Variants in MROH9 observed in about 807,000 individuals in gnomAD.
MROH9 encodes the protein maestro heat like repeat family member 9.
Under a neutral mutation model 98.2 loss-of-function variants are expected in MROH9, and 92 were observed. That is an observed-to-expected ratio of 0.94 (90% CI 0.79 to 1.11). The LOEUF (loss-of-function observed/expected upper bound fraction) is 1.11, where lower values mean the gene tolerates loss of function less well. Ranked by LOEUF, MROH9 falls within the 50% of genes most tolerant of loss-of-function variation. The pLI is 0.00. For missense variants in MROH9, 1,057 were observed against 1,014.8 expected (o/e 1.04, Z -0.57); for synonymous variants, 397 against 368.9 (o/e 1.08, Z -0.87).
At chr1:171,056,231 A>G (rs1379206810) in intron 20 of MROH9, among the ~76,000 whole-genome samples, 1 of 152,182 alleles carries the variant, frequency 6.6e-6, no homozygotes, top group African/African-American at 2.4e-5. Context: ...ACTGCCTAAC[A>G]TGTTAAGCTC....
intron 15 of MROH9, among the ~76,000 whole-genome samples, chr1:171,010,719 T>G (rs1016584158): frequency 6.6e-6 from 1 of 152,232 alleles, no homozygotes; most frequent in Non-Finnish European, 1.5e-5. Context: ...GTCTGTTGGC[T>G]GCATAAATGT....
intron 17 of MROH9, among the ~76,000 whole-genome samples, chr1:171,021,425 A>C (rs1242453641): frequency 6.6e-6 from 1 of 151,996 alleles, no homozygotes; most frequent in African/African-American, 2.4e-5. Context: ...TAGACCAACG[A>C]AACAGAACAG....
chr1:170,961,217 A>T (rs1377976360), intron 5 of MROH9, among the ~76,000 whole-genome samples: 1 of 152,232 alleles, frequency 6.6e-6, no homozygotes, highest in East Asian at 1.9e-4. Context: ...GACAGTGGAA[A>T]ATTGAAAAGT....
chr1:170,970,972 T>C (rs1022993048), intron 7 of MROH9, among the ~76,000 whole-genome samples: 2 of 152,200 alleles, frequency 1.3e-5, no homozygotes, highest in Non-Finnish European at 2.9e-5. Flanking sequence ...TGCTGCTAGT[T>C]TGCCAAATCT....
At chr1:171,008,009 C>T (rs1652021348) in intron 15 of MROH9, among the ~76,000 whole-genome samples, 1 of 152,152 alleles carries the variant, frequency 6.6e-6, no homozygotes, top group Non-Finnish European at 1.5e-5. Context: ...CAAAAAGTCC[C>T]CAGCAAGGTA....
chr1:171,013,874 TACACACACACACACACACAC>T (rs34557125), intron 15 of MROH9, among the ~76,000 whole-genome samples: 7 of 144,276 alleles, frequency 4.9e-5, no homozygotes, highest in Admixed American at 2.8e-4. Context: ...GTAAAATACA[TACACACACACACACACACAC>T]ACACACACAC....
At chr1:171,037,787 G>A (rs1653155639) in intron 20 of MROH9, among the ~76,000 whole-genome samples, 1 of 151,696 alleles carries the variant, frequency 6.6e-6, no homozygotes, top group Non-Finnish European at 1.5e-5. Context: ...CCCTAAACAT[G>A]CAATATTTTA....
In MROH9 at chr1:170,983,547, C is replaced by A. The variant is rs371793612; in HGVS notation, c.729+13C>A. 2 of 1,493,390 alleles carry A rather than the reference C, an allele frequency of 1.3e-6. No homozygotes were observed. The highest frequency in any genetic ancestry group is 1.7e-5 in the Admixed American group (1 of 58,772). 92.5% of individuals were successfully genotyped at this position (1,493,390 alleles called of 1,614,324 possible). Reference sequence around the variant, plus strand: ...TAAAATAGCTCAGGTAACTTAGCCCCCACTTTTTCCGAGGGCTTTTGTTTA... The same window carrying A: ...TAAAATAGCTCAGGTAACTTAGCCCACACTTTTTCCGAGGGCTTTTGTTTA... On this transcript the variant is annotated intron_variant, in intron 9 of 21. Coordinates refer to ENST00000367759, the MANE Select transcript of MROH9 (RefSeq NM_001163629.2).
chr1:170,996,894 G>T (rs532011552), intron 14 of MROH9, among the ~76,000 whole-genome samples: 107 of 152,028 alleles, frequency 7.0e-4, no homozygotes, highest in Non-Finnish European at 1.3e-3. Context: ...CACAGAACAG[G>T]TTTCTTTTCT....
chr1:171,007,097 T>C (rs543324579), intron 15 of MROH9, among the ~76,000 whole-genome samples: 3 of 152,362 alleles, frequency 2.0e-5, no homozygotes, highest in African/African-American at 7.2e-5. Flanking sequence ...TCTTCCCACT[T>C]TTACAGACTG....
intron 13 of MROH9, 72 bp downstream of exon 13, chr1:170,995,603 G>A (rs959842324): frequency 1.7e-5 from 26 of 1,522,826 alleles, no homozygotes; most frequent in Non-Finnish European, 2.3e-5. Context: ...TACCCTCTTG[G>A]GTTCATATGG....
At chr1:170,941,575 G>A (rs914255939) in intron 1 of MROH9, among the ~76,000 whole-genome samples, 2 of 152,100 alleles carry the variant, frequency 1.3e-5, no homozygotes, top group Non-Finnish European at 2.9e-5. Flanking sequence ...TTGACTTTTT[G>A]TTGCTCATTA....
intron 7 of MROH9, among the ~76,000 whole-genome samples, chr1:170,969,912 T>A (rs544426233): frequency 6.6e-6 from 1 of 152,314 alleles, no homozygotes; most frequent in Admixed American, 6.5e-5. Flanking sequence ...GTCACGCTTC[T>A]GAAGGGGCTT....
intron 20 of MROH9, among the ~76,000 whole-genome samples, chr1:171,060,300 G>A (rs945372201): frequency 2.0e-5 from 3 of 152,076 alleles, no homozygotes; most frequent in Non-Finnish European, 4.4e-5. Context: ...TCCATACAGG[G>A]ATATATTATG....
intron 8 of MROH9, among the ~76,000 whole-genome samples, chr1:170,973,603 C>T (rs749413057): frequency 1.3e-5 from 2 of 152,104 alleles, no homozygotes; most frequent in African/African-American, 2.4e-5. Context: ...AGGTTGGGCA[C>T]GGTGGCTCAT....
rs887103136 is a variant in MROH9 at position 170,995,426 on chromosome 1, C to T, written c.1232C>T (p.Ser411Phe). The change falls in exon 13 of 22, where the codon TCC becomes TTC. Residue 411 changes from serine (S) to phenylalanine (F), a missense_variant. Transcript: ENST00000367759. ...QALCTFLPLGSYRKAVAQYFP... is the reference protein window; with the variant it reads ...QALCTFLPLGFYRKAVAQYFP... Reference sequence around the variant, plus strand: ...CTGTGCACCTTTCTGCCTCTTGGTTCCTACAGGAAAGCGGTGGCCCAGTAT... The same window carrying T: ...CTGTGCACCTTTCTGCCTCTTGGTTTCTACAGGAAAGCGGTGGCCCAGTAT... 8 of 1,613,270 alleles carry T rather than the reference C, an allele frequency of 5.0e-6. No individual in the cohort carries two copies. The Admixed American group carries it at 8.3e-5, about 17-fold the overall frequency.
chr1:170,996,488 C>T lies in MROH9; in HGVS notation c.1338-19C>T. On this transcript the variant is annotated intron_variant, in intron 13 of 21. Transcript: ENST00000367759. The stretch of plus-strand genomic sequence containing the variant: ...ATATCACCGGCATGTGATGACTTTG[C>T]TCTCTTTTGGGGCTTTAGGTATGCC... 1 of 1,609,290 alleles carries T rather than the reference C, an allele frequency of 6.2e-7. No individual in the cohort carries two copies. Among genetic ancestry groups the T allele is most frequent in the Non-Finnish European group, 8.5e-7 (1 of 1,177,946 alleles).
At chr1:170,937,391 GA>G (rs1261432383) in intron 1 of MROH9, among the ~76,000 whole-genome samples, 1 of 149,866 alleles carries the variant, frequency 6.7e-6, no homozygotes, top group Non-Finnish European at 1.5e-5. Context: ...AAGAGAATAA[GA>G]AAAGAAAAAA....
intron 1 of MROH9, 38 bp from the exon 2 acceptor site, chr1:170,945,482 T>G: frequency 6.7e-7 from 1 of 1,485,912 alleles, no homozygotes; most frequent in South Asian, 1.1e-5. Flanking sequence ...TGTAGGAAAG[T>G]TTCTGGTTTA....
Sources: gnomAD v4.1 joint callset for allele counts (sites outside exome capture counted in the v4.1 genomes callset) on GRCh38, gnomAD v4.1.1 for gene constraint, MANE v1.5 for transcripts, NCBI Gene and HGNC (gene_info 2026-07-23, HGNC 2026-07-21) for gene names.